Variants in SLC22A25 observed in about 807,000 individuals in gnomAD.
SLC22A25 encodes MGI:2442751, MGI:2385316, MGI:3042283, MGI:3645714, MGI:3605624, MGI:2442750.
Under a neutral mutation model 45.9 loss-of-function variants are expected in SLC22A25, and 44 were observed. The observed-to-expected ratio is 0.96, with a 90% CI of 0.75 to 1.23. The LOEUF (loss-of-function observed/expected upper bound fraction) is 1.23. SLC22A25 is among the 50% of genes most tolerant of loss of function. The probability of loss-of-function intolerance (pLI) is 0.00; values close to 1 mark genes in which losing one functional copy is unlikely to be tolerated. For missense variants in SLC22A25, 800 were observed against 666.4 expected (o/e 1.20, Z -2.21); for synonymous variants, 283 against 238.6 (o/e 1.19, Z -1.72).
chr11:63,173,267 T>C (rs2087957347), intron 9 of SLC22A25, among the ~76,000 whole-genome samples: 1 of 151,040 alleles, frequency 6.6e-6, no homozygotes, highest in South Asian at 2.1e-4. Flanking sequence ...ACCTAATGCA[T>C]ACATGGTTTA....
chr11:63,164,143 T>G (rs2087598603), intron 11 of SLC22A25, 70 bp from the exon 12 acceptor site: 10 of 1,516,900 alleles, frequency 6.6e-6, no homozygotes, highest in Non-Finnish European at 8.8e-6. Flanking sequence ...TTTATCATTT[T>G]GCTGTGATTA....
chr11:63,194,216 C>G (rs778527164), intron 7 of SLC22A25, among the ~76,000 whole-genome samples: 1 of 151,972 alleles, frequency 6.6e-6, no homozygotes, highest in Admixed American at 6.6e-5. Context: ...ATGGGGAGAA[C>G]GGAACCAAGT....
At chr11:63,180,586 T>A (rs1326267259) in intron 9 of SLC22A25, 74 bp downstream of exon 9, 7 of 1,046,236 alleles carry the variant, frequency 6.7e-6, no homozygotes, top group Non-Finnish European at 9.7e-6. Flanking sequence ...TTCAACATGT[T>A]GTATCATTTG....
chr11:63,170,341 G>C (rs1006849499), intron 9 of SLC22A25, among the ~76,000 whole-genome samples: 2 of 1,050 alleles, frequency 1.9e-3, no homozygotes, highest in African/African-American at 2.6e-3. Flanking sequence ...AGGAGACAGA[G>C]ACACAAAACC....
rs758970018 is a variant in SLC22A25, at chr11:63,163,849, G to A, written c.1619C>T (p.Ala540Val). Residue 540 changes from alanine (A) to valine (V), a missense_variant, in exon 12 of 12, where the codon GCC (alanine) becomes GTC (valine). By Grantham distance (64) the Ala-to-Val change is moderately conservative. Transcript: ENST00000306494. Reference sequence around the variant, plus strand: ...CTATAGCACAGAGCTCCTCTGAGGGGCAGCTAGGCTATTTACTCCCTCATT... The same window carrying A: ...CTATAGCACAGAGCTCCTCTGAGGGACAGCTAGGCTATTTACTCCCTCATT... The part of the protein sequence containing the change: ...VENEGVNSLA[A>V]PQRSSVL 1.2e-6 allele frequency: 2 copies of A among 1,613,704 alleles called. No individual in the cohort carries two copies. The highest frequency in any genetic ancestry group is 2.2e-5 in the East Asian group (1 of 44,860).
chr11:63,232,282 A>G (rs2090083564), intron 3 of SLC22A25, among the ~76,000 whole-genome samples: 1 of 152,138 alleles, frequency 6.6e-6, no homozygotes, highest in African/African-American at 2.4e-5. Flanking sequence ...ATGTTCTTCC[A>G]TTTGTTTGTA....
At chr11:63,227,952 C>T (rs1050229854) in intron 5 of SLC22A25, among the ~76,000 whole-genome samples, 1 of 152,218 alleles carries the variant, frequency 6.6e-6, no homozygotes, top group South Asian at 2.1e-4. Context: ...TTGCTGTGCT[C>T]TTCCTCCCCC....
intron 1 of SLC22A25, among the ~76,000 whole-genome samples, 163 bp from the exon 2 acceptor site, chr11:63,239,298 G>C (rs755660821): frequency 2.0e-5 from 3 of 152,068 alleles, no homozygotes; most frequent in Non-Finnish European, 2.9e-5. Context: ...TATCATTTGG[G>C]GATTAGATAG....
intron 3 of SLC22A25, among the ~76,000 whole-genome samples, chr11:63,237,378 G>T (rs1181926851): frequency 1.3e-5 from 2 of 152,172 alleles, no homozygotes; most frequent in South Asian, 2.1e-4. Flanking sequence ...TATCGCGGAG[G>T]TGGGTTATTG....
intron 11 of SLC22A25, 118 bp downstream of exon 11, chr11:63,164,408 A>G (rs2087607328): frequency 6.6e-6 from 6 of 904,080 alleles, no homozygotes; most frequent in Admixed American, 4.8e-5. Context: ...TGTTTTTATG[A>G]CTATTACATT....
intron 7 of SLC22A25, among the ~76,000 whole-genome samples, chr11:63,204,405 A>G (rs545266047): frequency 6.6e-6 from 1 of 152,360 alleles, no homozygotes; most frequent in South Asian, 2.1e-4. Flanking sequence ...TGCTGTATTC[A>G]GGAGATCCAT....
chr11:63,222,998 C>G (rs550407676), intron 5 of SLC22A25, among the ~76,000 whole-genome samples: 1 of 152,062 alleles, frequency 6.6e-6, no homozygotes, highest in South Asian at 2.1e-4. Flanking sequence ...GATGAAAAAT[C>G]TTTTTAATGT....
intron 3 of SLC22A25, among the ~76,000 whole-genome samples, chr11:63,230,978 A>G (rs1448151483): frequency 6.6e-6 from 1 of 152,002 alleles, no homozygotes; most frequent in Non-Finnish European, 1.5e-5. Context: ...AAGGACATGA[A>G]CTCATCATTT....
chr11:63,177,586 C>T (rs2088138875), intron 9 of SLC22A25, among the ~76,000 whole-genome samples: 1 of 151,730 alleles, frequency 6.6e-6, no homozygotes, highest in Middle Eastern at 3.4e-3. Flanking sequence ...CTTCTGGTAG[C>T]CACCATTTCA....
chr11:63,208,800 ACCAGCTTCATGG>A lies in SLC22A25; in HGVS notation c.830+8502_830+8513del, dbSNP rs370860732. Among the ~76,000 whole-genome samples the A allele has an allele frequency of 1.4e-3, 216 of 152,104 alleles. 1 individual carries two copies. Among genetic ancestry groups the A allele is most frequent in the African/African-American group, 5.1e-3 (212 of 41,496 alleles). The stretch of plus-strand genomic sequence containing the variant: ...TAGGATGCTGCATATGGCTGATAGG[ACCAGCTTCATGG>A]CCAGCTTCATGGCTGTAGCAGGCTG... On this transcript the variant is annotated intron_variant, in intron 7 of 11. Coordinates refer to ENST00000306494, the MANE Select transcript of SLC22A25 (RefSeq NM_199352.6).
Position 63,229,579 on chromosome 11 carries a change from A to T in SLC22A25, c.74T>A (p.Ile25Lys), listed in dbSNP as rs1183609571. The T allele has an allele frequency of 6.2e-7, 1 of 1,614,012 alleles. No individual in the cohort carries two copies. The highest frequency in any genetic ancestry group is 1.1e-5 in the South Asian group (1 of 91,074). ...RFQILQMVFL[I>K]MFNVIVYHQT... ...ATGGTATACTATGACGTTGAACATT[A>T]TAAGGAAAACCATCTGAAGGATCTG... is the stretch of plus-strand genomic sequence containing the variant. The change falls in exon 4 of 12, where the codon ATA becomes AAA. Residue 25 changes from isoleucine to lysine, a missense_variant. Transcript: ENST00000306494.
At chr11:63,177,045 A>G (rs986774584) in intron 9 of SLC22A25, among the ~76,000 whole-genome samples, 3 of 151,938 alleles carry the variant, frequency 2.0e-5, no homozygotes, top group African/African-American at 7.2e-5. Context: ...GGCAGTTTTC[A>G]TCTCTAAATA....
chr11:63,220,065 A>C (rs1455831651), intron 5 of SLC22A25: 1 of 1,204,530 alleles, frequency 8.3e-7, no homozygotes, highest in East Asian at 5.7e-5. Context: ...GGTACCCCAA[A>C]CTTCTCATGT....
chr11:63,220,022 C>T, intron 5 of SLC22A25: 1 of 1,288,968 alleles, frequency 7.8e-7, no homozygotes, highest in Non-Finnish European at 1.0e-6. Flanking sequence ...TAATGGTTTC[C>T]TGCCATTTCA....
Sources: allele counts gnomAD v4.1 joint callset (sites outside exome capture counted in the v4.1 genomes callset), GRCh38; gene constraint gnomAD v4.1.1; transcripts MANE v1.5; gene names NCBI Gene and HGNC (gene_info 2026-07-23, HGNC 2026-07-21).